Variants in GPC6 observed in about 807,000 individuals in gnomAD.
GPC6 encodes the protein glypican 6, also known as glypican-6.
A neutral mutation model predicts 55.2 loss-of-function variants in GPC6; 14 were observed. That is an observed-to-expected ratio of 0.25 (90% confidence interval 0.17 to 0.40). The LOEUF (loss-of-function observed/expected upper bound fraction) is 0.40, where lower values mean the gene tolerates loss of function less well. Ranked by LOEUF, GPC6 falls within the 10% of genes least tolerant of loss-of-function variation. GPC6 has a pLI of 1.00. For synonymous variants in GPC6, 278 were observed against 259.6 expected (o/e 1.07, Z -0.68); for missense variants, 641 against 708.5 (o/e 0.90, Z 1.08).
intron 4 of GPC6, among the ~76,000 whole-genome samples, chr13:94,175,799 T>G (rs1888728083): frequency 6.7e-6 from 1 of 148,912 alleles, no homozygotes; most frequent in South Asian, 2.1e-4. Context: ...TACATATATT[T>G]AAAGTTATAT....
intron 4 of GPC6, among the ~76,000 whole-genome samples, chr13:94,122,984 G>C (rs1186075108): frequency 6.6e-6 from 1 of 152,038 alleles, no homozygotes; most frequent in Non-Finnish European, 1.5e-5. Flanking sequence ...AAGAATCCCT[G>C]TTGCCTTTGA....
intron 1 of GPC6, among the ~76,000 whole-genome samples, chr13:93,425,282 C>T (rs192766906): frequency 1.8e-3 from 267 of 152,192 alleles, no homozygotes; most frequent in Middle Eastern, 0.014. Context: ...TCTGATACAC[C>T]GATTCCCACT....
intron 4 of GPC6, among the ~76,000 whole-genome samples, chr13:94,123,582 A>G (rs1186778287): frequency 1.3e-5 from 2 of 152,050 alleles, no homozygotes; most frequent in Non-Finnish European, 2.9e-5. Flanking sequence ...TCATCATGAG[A>G]TAACATCTTA....
At chr13:93,565,700 G>C (rs1037621005) in intron 2 of GPC6, among the ~76,000 whole-genome samples, 1 of 152,036 alleles carries the variant, frequency 6.6e-6, no homozygotes, top group Non-Finnish European at 1.5e-5. Flanking sequence ...AAAGCAGGTG[G>C]ATCACGAGGT....
chr13:93,886,281 A>C (rs1315820974), intron 3 of GPC6, among the ~76,000 whole-genome samples: 1 of 152,136 alleles, frequency 6.6e-6, no homozygotes, highest in Non-Finnish European at 1.5e-5. Context: ...CATTGTTGAA[A>C]AGGCCCAAAA....
intron 4 of GPC6, among the ~76,000 whole-genome samples, chr13:94,181,128 C>A (rs1888979098): frequency 6.6e-6 from 1 of 152,150 alleles, no homozygotes; most frequent in African/African-American, 2.4e-5. Context: ...AATCGTATTT[C>A]CCCCTTATAC....
chr13:94,194,563 G>A (rs1314754064), intron 4 of GPC6, among the ~76,000 whole-genome samples: 2 of 152,158 alleles, frequency 1.3e-5, no homozygotes, highest in Non-Finnish European at 2.9e-5. Context: ...AGGATGCAAA[G>A]GCATAAGAAT....
Position 93,830,526 on chromosome 13 carries a change from T to G in GPC6, c.692T>G (p.Val231Gly). The G allele has an allele frequency of 6.2e-7, 1 of 1,612,512 alleles. No individual in the cohort carries two copies. Among genetic ancestry groups the G allele is most frequent in the Non-Finnish European group, 8.5e-7 (1 of 1,179,660 alleles). The change falls in exon 3 of 9, where the codon GTT (valine) becomes GGT (glycine). Residue 231 changes from valine to glycine, a missense_variant. Val to Gly is a moderately radical substitution (Grantham distance 109, BLOSUM62 -3). Transcript: ENST00000377047. Reference protein sequence around the residue: ...FVQGLTVGREVANRVSKVSPT... With the variant: ...FVQGLTVGREGANRVSKVSPT... ...CAGGGGCTGACTGTGGGCAGAGAAGTTGCAAACCGAGTTTCCAAGGTAATT... is the reference window on the plus strand; with the variant it reads ...CAGGGGCTGACTGTGGGCAGAGAAGGTGCAAACCGAGTTTCCAAGGTAATT...
intron 1 of GPC6, among the ~76,000 whole-genome samples, chr13:93,465,482 G>A (rs2813636): frequency 0.18 from 27,760 of 152,104 alleles, 3,069 homozygotes; most frequent in East Asian, 0.48. Context: ...TGGAGAAAGC[G>A]TCTTTGCTTC....
chr13:93,379,688 T>C (rs771408468), intron 1 of GPC6, among the ~76,000 whole-genome samples: 3 of 152,126 alleles, frequency 2.0e-5, no homozygotes, highest in Non-Finnish European at 2.9e-5. Context: ...AATGAAACCA[T>C]AAAGAATACC....
chr13:93,814,515 C>G (rs1302417948), intron 2 of GPC6, among the ~76,000 whole-genome samples: 3 of 152,032 alleles, frequency 2.0e-5, no homozygotes, highest in African/African-American at 7.2e-5. Context: ...AGAGTTTTTT[C>G]ACATGAAATA....
chr13:93,839,170 A>T (rs967536890), intron 3 of GPC6, among the ~76,000 whole-genome samples: 4 of 152,188 alleles, frequency 2.6e-5, no homozygotes, highest in African/African-American at 7.2e-5. Context: ...TAGCAAGCGC[A>T]GGTTGACTTG....
At chr13:93,632,636 T>TATATATATATATATAA (rs377056284) in intron 2 of GPC6, among the ~76,000 whole-genome samples, 5 of 128,296 alleles carry the variant, frequency 3.9e-5, no homozygotes, top group Non-Finnish European at 8.6e-5. Flanking sequence ...TATATATATA[T>TATATATATATATATAA]AATAAAATAA....
At chr13:93,871,322 T>C (rs1889126160) in intron 3 of GPC6, among the ~76,000 whole-genome samples, 2 of 152,084 alleles carry the variant, frequency 1.3e-5, no homozygotes, top group East Asian at 3.9e-4. Flanking sequence ...TAAGAAATTA[T>C]TTGTAAAGTT....
chr13:93,961,584 AG>A (rs1363575458), intron 3 of GPC6, among the ~76,000 whole-genome samples: 14 of 152,248 alleles, frequency 9.2e-5, no homozygotes, highest in Non-Finnish European at 7.3e-5. Flanking sequence ...TGAAATGCAT[AG>A]ACCATCACAA....
intron 1 of GPC6, among the ~76,000 whole-genome samples, chr13:93,441,226 G>A (rs1877785733): frequency 6.6e-6 from 1 of 152,036 alleles, no homozygotes; most frequent in Non-Finnish European, 1.5e-5. Flanking sequence ...GGGATGGCTG[G>A]GTCAAATGGT....
rs898087051 is a variant in GPC6 at position 94,085,343 on chromosome 13, A to G, written c.877+57449A>G. 6.1e-5 allele frequency among the ~76,000 whole-genome samples: 9 copies of G among 148,562 alleles called. No homozygotes were observed. The East Asian group carries it at 1.4e-3, about 23-fold the overall frequency. ...TCTCAAAAAAAAAAAAAAAAAAAAA[A>G]AGGGAAGAAAAAGAAAAAAGAAAAG... On this transcript the variant is annotated intron_variant, in intron 4 of 8. Coordinates refer to ENST00000377047, the MANE Select transcript of GPC6 (RefSeq NM_005708.5).
At chr13:93,807,329 G>T (rs892571428) in intron 2 of GPC6, among the ~76,000 whole-genome samples, 1 of 152,210 alleles carries the variant, frequency 6.6e-6, no homozygotes, top group Admixed American at 6.5e-5. Flanking sequence ...TTTAAGGAAA[G>T]ATCTCTTTTG....
intron 1 of GPC6, among the ~76,000 whole-genome samples, chr13:93,376,787 T>C (rs1362167746): frequency 6.6e-6 from 1 of 152,084 alleles, no homozygotes; most frequent in Non-Finnish European, 1.5e-5. Flanking sequence ...TTTTTTTTTT[T>C]TTTTGTGAGC....
Sources: allele counts gnomAD v4.1 joint callset (sites outside exome capture counted in the v4.1 genomes callset), GRCh38; gene constraint gnomAD v4.1.1; transcripts MANE v1.5; gene names NCBI Gene and HGNC (gene_info 2026-07-23, HGNC 2026-07-21).